The following LOC128125822 variants were observed in gnomAD, a reference collection of about 807,000 sequenced individuals.
the LOC128125822 span, chr6:63,578,679 T>A: frequency 7.8e-7 from 1 of 1,288,162 alleles, no homozygotes; most frequent in Non-Finnish European, 1.0e-6. Flanking sequence ...TCTTAATTTC[T>A]AAATAAAGGT....
the LOC128125822 span, chr6:63,581,172 A>G: frequency 6.6e-6 from 1 of 152,274 alleles, no homozygotes; most frequent in Non-Finnish European, 1.5e-5. Context: ...CCTCTCTTGC[A>G]AAAAAAGAAA....
the LOC128125822 span, among the ~76,000 whole-genome samples, chr6:63,575,002 A>G: frequency 6.6e-6 from 1 of 152,206 alleles, no homozygotes; most frequent in South Asian, 2.1e-4. Flanking sequence ...CTTTTGATAA[A>G]TGATTGTTAA....
the LOC128125822 span, among the ~76,000 whole-genome samples, chr6:63,575,495 C>G: frequency 1.3e-5 from 2 of 152,032 alleles, no homozygotes; most frequent in Non-Finnish European, 2.9e-5. Flanking sequence ...TAAGGGGGAA[C>G]TTAGAGAAAA....
chr6:63,579,023 T>A, the LOC128125822 span: 2 of 1,578,950 alleles, frequency 1.3e-6, no homozygotes, highest in Non-Finnish European at 1.7e-6. Context: ...TTGCAGGCCT[T>A]GGGAGGTAAA....
chr6:63,575,883 A>G, the LOC128125822 span, among the ~76,000 whole-genome samples: 104 of 152,224 alleles, frequency 6.8e-4, no homozygotes, highest in Middle Eastern at 3.4e-3. Flanking sequence ...AAAGGATATA[A>G]AAGCATAAAG....
At chr6:63,577,067 TG>T in the LOC128125822 span, 1 of 1,093,580 alleles carries the variant, frequency 9.1e-7, no homozygotes, top group Non-Finnish European at 1.3e-6. Flanking sequence ...AAAACTACTT[TG>T]GAAAAAATGA....
the LOC128125822 span, among the ~76,000 whole-genome samples, chr6:63,575,126 C>G: frequency 6.6e-6 from 1 of 152,152 alleles, no homozygotes; most frequent in East Asian, 1.9e-4. Flanking sequence ...GAAACTATAA[C>G]TAGCATGGGA....
chr6:63,576,512 A>C, the LOC128125822 span: 2 of 405,366 alleles, frequency 4.9e-6, no homozygotes, highest in Non-Finnish European at 8.7e-6. Flanking sequence ...GCACAGCACG[A>C]CCTCTATGCA....
chr6:63,576,658 A>C, the LOC128125822 span: 1 of 569,542 alleles, frequency 1.8e-6, no homozygotes, highest in East Asian at 2.9e-5. Flanking sequence ...GGTAAACCTC[A>C]GTGCACTTCT....
At chr6:63,572,527 C>G in the LOC128125822 span, 2 of 392,202 alleles carry the variant, frequency 5.1e-6, no homozygotes, top group Non-Finnish European at 9.0e-6. Context: ...GGCTCGGCTA[C>G]GCGCTCTGCT....
chr6:63,572,768 G>GC, the LOC128125822 span: 2 of 398,276 alleles, frequency 5.0e-6, no homozygotes, highest in Non-Finnish European at 8.9e-6. Flanking sequence ...TCCACGACCG[G>GC]CCCCCCATCC....
At chr6:63,579,472 A>C in the LOC128125822 span, 1 of 578,642 alleles carries the variant, frequency 1.7e-6, no homozygotes, top group Non-Finnish European at 2.8e-6. Flanking sequence ...AAGATCTTAC[A>C]TTCTTTTTTG....
chr6:63,580,254 T>G, the LOC128125822 span: 2 of 1,172,160 alleles, frequency 1.7e-6, no homozygotes, highest in Admixed American at 3.6e-5. Context: ...ACATGTTGGC[T>G]TAGTAAGTCT....
chr6:63,580,288 G>A, the LOC128125822 span: 3 of 858,992 alleles, frequency 3.5e-6, no homozygotes, highest in South Asian at 3.3e-5. Context: ...TAGGAGTATT[G>A]AAAGGCAGTT....
chr6:63,580,746 C>G, the LOC128125822 span: 2 of 149,442 alleles, frequency 1.3e-5, no homozygotes, highest in Admixed American at 1.3e-4. Flanking sequence ...TTTTTTTTAC[C>G]AAGTCTTACA....
At chr6:63,579,144 C>A in the LOC128125822 span, 2 of 1,373,138 alleles carry the variant, frequency 1.5e-6, no homozygotes, top group Non-Finnish European at 2.0e-6. Context: ...ATAGGTATTA[C>A]TTAAATAGGA....
chr6:63,582,073 T>TGGATTTTAGACAGGGCAA, the LOC128125822 span: 1 of 152,174 alleles, frequency 6.6e-6, no homozygotes, highest in Admixed American at 6.5e-5. Context: ...TATATTTCAT[T>TGGATTTTAGACAGGGCAA]GGATTTTAGA....
the LOC128125822 span, chr6:63,578,307 A>C: frequency 1.7e-6 from 2 of 1,150,642 alleles, no homozygotes; most frequent in Non-Finnish European, 2.3e-6. Context: ...ACATAAATGG[A>C]TTCTAGCATT....
the LOC128125822 span, among the ~76,000 whole-genome samples, chr6:63,577,536 T>A: frequency 1.3e-5 from 2 of 152,304 alleles, no homozygotes; most frequent in Admixed American, 6.5e-5. Context: ...CAAATAGGCC[T>A]CTCAGAACAT....
Sources: gnomAD v4.1 joint callset for allele counts (sites outside exome capture counted in the v4.1 genomes callset) on GRCh38, gnomAD v4.1.1 for gene constraint, MANE v1.5 for transcripts.